Variants in UNC13C observed in about 807,000 individuals in gnomAD.
UNC13C encodes protein unc-13 homolog C.
In UNC13C, 174 loss-of-function variants were observed where a neutral mutation model predicts 245.4. The ratio of observed to expected loss-of-function variants is 0.71; its 90% CI spans 0.63 to 0.80. The LOEUF is 0.80. Ranked by LOEUF, UNC13C falls within the 30% of genes least tolerant of loss-of-function variation. The pLI is 0.00. For synonymous variants in UNC13C, 992 were observed against 895.1 expected, an observed-to-expected ratio of 1.11 and a Z score of -1.93; for missense variants, 2,829 against 2,602.9, an observed-to-expected ratio of 1.09 and a Z score of -1.89.
At chr15:54,438,180 C>G (rs1308638977) in intron 19 of UNC13C, among the ~76,000 whole-genome samples, 6 of 151,908 alleles carry the variant, frequency 3.9e-5, no homozygotes, top group African/African-American at 1.4e-4. Flanking sequence ...TGTAAAATCA[C>G]CTATCCAGCA....
chr15:54,064,644 C>T (rs1406972752), intron 2 of UNC13C, among the ~76,000 whole-genome samples: 1 of 152,178 alleles, frequency 6.6e-6, no homozygotes, highest in Non-Finnish European at 1.5e-5. Context: ...CTTCCCTCCC[C>T]AGTTTCCGGT....
At chr15:54,563,706 C>A (rs1897387569) in intron 29 of UNC13C, among the ~76,000 whole-genome samples, 1 of 151,992 alleles carries the variant, frequency 6.6e-6, no homozygotes, top group South Asian at 2.1e-4. Flanking sequence ...GAGTAGTAAT[C>A]AACTATACTG....
At chr15:54,310,280 A>C (rs75369882) in intron 13 of UNC13C, among the ~76,000 whole-genome samples, 2 of 151,892 alleles carry the variant, frequency 1.3e-5, no homozygotes, top group Non-Finnish European at 2.9e-5. Flanking sequence ...AGCAAGAAAA[A>C]GTTTGCCTTG....
chr15:54,104,066 G>T (rs1490841924), intron 2 of UNC13C, among the ~76,000 whole-genome samples: 3 of 152,216 alleles, frequency 2.0e-5, no homozygotes, highest in Non-Finnish European at 4.4e-5. Context: ...TTAAGATATT[G>T]TGTCGAGTCC....
intron 17 of UNC13C, among the ~76,000 whole-genome samples, chr15:54,350,756 C>T (rs1470677532): frequency 1.3e-5 from 2 of 152,104 alleles, no homozygotes; most frequent in Admixed American, 6.5e-5. Flanking sequence ...CATAAAACTG[C>T]TGTAGTGGAG....
At chr15:54,331,595 G>A (rs1015712903) in intron 14 of UNC13C, among the ~76,000 whole-genome samples, 1 of 152,078 alleles carries the variant, frequency 6.6e-6, no homozygotes, top group Admixed American at 6.6e-5. Flanking sequence ...TCCCACTTCC[G>A]TAGGTGGTAG....
At chr15:54,591,825 C>T (rs948513838) in intron 30 of UNC13C, among the ~76,000 whole-genome samples, 15 of 151,586 alleles carry the variant, frequency 9.9e-5, no homozygotes, top group African/African-American at 3.6e-4. Flanking sequence ...TATTTCCTTT[C>T]TTCTGCTGGG....
intron 2 of UNC13C, among the ~76,000 whole-genome samples, chr15:54,121,538 AT>A (rs931056178): frequency 1.3e-5 from 2 of 151,852 alleles, no homozygotes; most frequent in African/African-American, 4.8e-5. Flanking sequence ...TGCAATAATT[AT>A]TTTTTAAATG....
intron 2 of UNC13C, chr15:54,049,740 C>A: frequency 4.2e-6 from 1 of 240,558 alleles, no homozygotes; most frequent in Non-Finnish European, 8.4e-6. Context: ...AGTTTTATTA[C>A]GTAAGTGTAA....
At chr15:54,463,518 A>G (rs1489143410) in intron 19 of UNC13C, among the ~76,000 whole-genome samples, 3 of 151,644 alleles carry the variant, frequency 2.0e-5, no homozygotes, top group African/African-American at 7.3e-5. Flanking sequence ...GCAACTCTGG[A>G]GGAGAGGAGC....
At chr15:54,265,725 A>G (rs1387725112) in intron 10 of UNC13C, among the ~76,000 whole-genome samples, 1 of 152,046 alleles carries the variant, frequency 6.6e-6, no homozygotes, top group Non-Finnish European at 1.5e-5. Flanking sequence ...AATCAAAAAA[A>G]GATGGCATGA....
intron 26 of UNC13C, among the ~76,000 whole-genome samples, chr15:54,534,177 G>A (rs1453572344): frequency 1.1e-4 from 17 of 152,102 alleles, no homozygotes; most frequent in Non-Finnish European, 4.4e-5. Flanking sequence ...TCAGACTGTT[G>A]TTACCAGAAG....
At chr15:53,913,106 A>T in the UNC13C span, 3 of 152,238 alleles carry the variant, frequency 2.0e-5, no homozygotes, top group Admixed American at 6.5e-5. Flanking sequence ...TTATATGCAT[A>T]GCCCCACCAT....
the UNC13C span, among the ~76,000 whole-genome samples, chr15:53,898,745 T>C: frequency 6.6e-6 from 1 of 152,230 alleles, no homozygotes; most frequent in East Asian, 1.9e-4. Context: ...ATTAAGCTAC[T>C]TAACACATCT....
chr15:54,468,520 C>A (rs1210528134), intron 19 of UNC13C, among the ~76,000 whole-genome samples: 1 of 151,610 alleles, frequency 6.6e-6, no homozygotes, highest in African/African-American at 2.4e-5. Context: ...GAAATCGCTG[C>A]CCTGATCAAT....
chr15:53,969,554 C>T, the UNC13C span, among the ~76,000 whole-genome samples: 8 of 151,900 alleles, frequency 5.3e-5, no homozygotes, highest in African/African-American at 1.9e-4. Context: ...GGCATGGTGG[C>T]ACACACCTGT....
At chr15:53,891,568 G>GCTAACATAT in the UNC13C span, among the ~76,000 whole-genome samples, 1 of 152,128 alleles carries the variant, frequency 6.6e-6, no homozygotes, top group Non-Finnish European at 1.5e-5. Flanking sequence ...ATATATTTAA[G>GCTAACATAT]ATAGTTAGCT....
At chr15:54,427,041 C>T (rs2040773805) in intron 19 of UNC13C, among the ~76,000 whole-genome samples, 1 of 151,666 alleles carries the variant, frequency 6.6e-6, no homozygotes, top group South Asian at 2.1e-4. Context: ...CATTAATGAC[C>T]TACAAATTCA....
intron 24 of UNC13C, among the ~76,000 whole-genome samples, chr15:54,518,182 T>G (rs1207241181): frequency 6.6e-6 from 1 of 152,204 alleles, no homozygotes; most frequent in East Asian, 1.9e-4. Context: ...TAAAGTGATT[T>G]AATAAATATG....
Sources: allele counts gnomAD v4.1 joint callset (sites outside exome capture counted in the v4.1 genomes callset), GRCh38; gene constraint gnomAD v4.1.1; transcripts MANE v1.5; gene names NCBI Gene and HGNC (gene_info 2026-07-23, HGNC 2026-07-21).